Variants in TRIP12 observed in about 807,000 individuals in gnomAD.
TRIP12 encodes thyroid hormone receptor interactor 12.
In TRIP12, 25 loss-of-function variants were observed where a neutral mutation model predicts 244.2. The ratio of observed to expected loss-of-function variants is 0.10; its 90% CI spans 0.07 to 0.14. TRIP12 has a LOEUF of 0.14. TRIP12 is among the 10% of genes least tolerant of loss of function. The probability of loss-of-function intolerance (pLI) is 1.00; values close to 1 mark genes in which losing one functional copy is unlikely to be tolerated. For missense variants in TRIP12, 1,677 were observed against 2,486.4 expected, an observed-to-expected ratio of 0.67 and a Z score of 6.92; for synonymous variants, 905 against 873.1, an observed-to-expected ratio of 1.04 and a Z score of -0.64.
At chr2:229,885,184 T>C (rs2065759008) in intron 1 of TRIP12, among the ~76,000 whole-genome samples, 1 of 152,224 alleles carries the variant, frequency 6.6e-6, no homozygotes, top group South Asian at 2.1e-4. Context: ...GTTACAAACA[T>C]GTTGCTATGT....
intron 8 of TRIP12, among the ~76,000 whole-genome samples, chr2:229,821,828 G>A (rs1324339734): frequency 1.3e-5 from 2 of 152,114 alleles, no homozygotes; most frequent in Non-Finnish European, 2.9e-5. Context: ...GACAGGTACC[G>A]AGTTCTGGAA....
intron 33 of TRIP12, among the ~76,000 whole-genome samples, chr2:229,786,801 A>G (rs1333449507): frequency 2.0e-5 from 3 of 152,056 alleles, no homozygotes; most frequent in Non-Finnish European, 4.4e-5. Flanking sequence ...CCATCCATCT[A>G]ACTCCTTTAT....
intron 37 of TRIP12, among the ~76,000 whole-genome samples, chr2:229,775,124 T>G (rs2035809926): frequency 6.6e-6 from 1 of 152,226 alleles, no homozygotes; most frequent in African/African-American, 2.4e-5. Context: ...ATTAGTCATT[T>G]AAACTAGAAA....
chr2:229,839,774 A>G (rs2055899616), intron 5 of TRIP12, among the ~76,000 whole-genome samples: 1 of 152,188 alleles, frequency 6.6e-6, no homozygotes, highest in Admixed American at 6.5e-5. Context: ...GCACCTGACT[A>G]ACCGACCAAG....
chr2:229,859,065 G>A lies in TRIP12; in HGVS notation c.734C>T (p.Ser245Phe), dbSNP rs761102548. Residue 245 changes from serine to phenylalanine, a missense_variant, in exon 4 of 42, where the codon TCC (serine) becomes TTC (phenylalanine). Physicochemically the swap from Ser to Phe is radical, Grantham distance 155 (BLOSUM62 -2). Around this residue, in one of 11 missense-constraint regions of TRIP12, gnomAD observed 387 missense variants for 392.6 expected, o/e 0.99. Transcript: ENST00000675903. Reference sequence around the variant, plus strand: ...CGAGGCTACAGCAGAAGACGAGGAGGAAGTAGAGGCAGCAGAAGAAGAATC... The same window carrying A: ...CGAGGCTACAGCAGAAGACGAGGAGAAAGTAGAGGCAGCAGAAGAAGAATC... ...ITDSSSAAST[S>F]SSSSAVASAS... The A allele has an allele frequency of 1.2e-5, 20 of 1,614,096 alleles. No individual in the cohort carries two copies. Among genetic ancestry groups the A allele is most frequent in the Non-Finnish European group, 1.7e-5 (20 of 1,180,040 alleles).
intron 18 of TRIP12, among the ~76,000 whole-genome samples, chr2:229,805,249 A>AACAACAACAACAAC (rs1559522902): frequency 3.3e-3 from 58 of 17,534 alleles, no homozygotes; most frequent in African/African-American, 9.8e-3. Context: ...ACAACAACAA[A>AACAACAACAACAAC]AATATTTGCA....
At chr2:229,820,143 C>T (rs1463855816) in intron 8 of TRIP12, among the ~76,000 whole-genome samples, 1 of 152,070 alleles carries the variant, frequency 6.6e-6, no homozygotes, top group Non-Finnish European at 1.5e-5. Flanking sequence ...TCCACTGATT[C>T]TAACATGACT....
chr2:229,826,485 GTGAC>G (rs2154294855), intron 8 of TRIP12, among the ~76,000 whole-genome samples: 1 of 152,096 alleles, frequency 6.6e-6, no homozygotes, highest in Non-Finnish European at 1.5e-5. Flanking sequence ...GTGTGATAAA[GTGAC>G]TGTGTGTTTT....
At chr2:229,854,189 A>T (rs1024967032) in intron 4 of TRIP12, among the ~76,000 whole-genome samples, 3 of 152,058 alleles carry the variant, frequency 2.0e-5, no homozygotes, top group African/African-American at 7.2e-5. Context: ...ATCATCCTTC[A>T]TCTCCTTCTC....
chr2:229,811,331 T>A, intron 13 of TRIP12, 127 bp from the exon 14 acceptor site: 1 of 970,524 alleles, frequency 1.0e-6, no homozygotes. Context: ...ATGACAGCTT[T>A]GAAAATGCAA....
chr2:229,897,410 G>A (rs527396728), intron 1 of TRIP12, among the ~76,000 whole-genome samples: 1 of 152,332 alleles, frequency 6.6e-6, no homozygotes, highest in African/African-American at 2.4e-5. Flanking sequence ...CACTTTGGGA[G>A]GCCAAGGTGG....
intron 3 of TRIP12, 45 bp downstream of exon 3, chr2:229,860,361 C>T (rs1361032951): frequency 4.5e-6 from 7 of 1,571,728 alleles, no homozygotes; most frequent in Non-Finnish European, 5.2e-6. Context: ...GATTTGAATG[C>T]AAATAATTCT....
intron 4 of TRIP12, among the ~76,000 whole-genome samples, chr2:229,854,360 A>G (rs142595255): frequency 1.3e-5 from 2 of 152,236 alleles, no homozygotes; most frequent in African/African-American, 4.8e-5. Context: ...ACCAATGGCC[A>G]GGACTTACTG....
rs745582776 is a variant in TRIP12 at position 229,840,904 on chromosome 2, G to A, written c.1051C>T (p.Arg351Cys). The A allele has an allele frequency of 6.2e-7, 1 of 1,605,748 alleles. No homozygotes were observed. Among genetic ancestry groups the A allele is most frequent in the African/African-American group, 1.3e-5 (1 of 74,186 alleles). Reference sequence around the variant, plus strand: ...AGCTCAGCAGGTGGAGACTCACTGCGTTTCTTCGTAGATTTTCTTAAACCT... The same window carrying A: ...AGCTCAGCAGGTGGAGACTCACTGCATTTCTTCGTAGATTTTCTTAAACCT... ...LASLRKSTKK[R>C]SESPPAELPS... Residue 351 changes from arginine to cysteine, a missense_variant, in exon 5 of 42, where the codon CGC becomes TGC. Coordinates refer to ENST00000675903, the MANE Select transcript of TRIP12 (RefSeq NM_001348323.3).
At position 229,766,967 on chromosome 2, in the gene TRIP12, A is replaced by G. The variant is rs2031961659; in HGVS notation, c.*587T>C. 6.6e-6 allele frequency: 1 copy of G among 152,252 alleles called. No individual in the cohort carries two copies. Among genetic ancestry groups the G allele is most frequent in the Non-Finnish European group, 1.5e-5 (1 of 68,052 alleles). 9.4% of individuals were successfully genotyped at this position (152,252 alleles called of 1,614,324 possible). A position where few individuals can be genotyped will look rare whatever the true frequency, so the allele number is the denominator to read the frequency against. ...TTAACTGGAGAGAACATGGGACAAC[A>G]GAAGCCCATGGGTAACGAAAATTTG... On this transcript the variant is annotated 3_prime_UTR_variant, in exon 42 of 42. Coordinates refer to ENST00000675903, the MANE Select transcript of TRIP12 (RefSeq NM_001348323.3).
chr2:229,806,215 C>T (rs2045839427), intron 17 of TRIP12: 1 of 175,556 alleles, frequency 5.7e-6, no homozygotes, highest in African/African-American at 2.4e-5. Flanking sequence ...TAAGACATTG[C>T]TTATAAAAAA....
At chr2:229,856,123 T>TA (rs376384523) in intron 4 of TRIP12, among the ~76,000 whole-genome samples, 44 of 152,288 alleles carry the variant, frequency 2.9e-4, no homozygotes, top group African/African-American at 1.1e-3. Flanking sequence ...ACCTGGTACT[T>TA]ATTTTATGCT....
chr2:229,794,266 A>C (rs1350085416), intron 26 of TRIP12, among the ~76,000 whole-genome samples: 3 of 152,164 alleles, frequency 2.0e-5, no homozygotes, highest in Non-Finnish European at 2.9e-5. Context: ...AAAACGTCAA[A>C]ATGTGGATTT....
intron 9 of TRIP12, among the ~76,000 whole-genome samples, chr2:229,816,007 ACT>A (rs535491664): frequency 1.3e-5 from 2 of 152,156 alleles, no homozygotes; most frequent in Non-Finnish European, 2.9e-5. Context: ...GAGGATACAC[ACT>A]CTGTCCTCTC....
Sources: allele counts gnomAD v4.1 joint callset (sites outside exome capture counted in the v4.1 genomes callset), GRCh38; gene constraint gnomAD v4.1.1; regional missense constraint gnomAD v4.1.1; transcripts MANE v1.5; gene names NCBI Gene and HGNC (gene_info 2026-07-23, HGNC 2026-07-21).